NAV3: variants seen among roughly 807,000 people sequenced by gnomAD.
The protein encoded by NAV3 is pore membrane and/or filament interacting like protein 1.
Under a neutral mutation model 244.7 loss-of-function variants are expected in NAV3, and 87 were observed. That is an observed-to-expected ratio of 0.36 (90% CI 0.30 to 0.42). The LOEUF is 0.42. Among genes scored for constraint, NAV3 ranks in the 20% least tolerant of loss-of-function variants. The pLI is 1.00. For missense variants in NAV3, 2,663 were observed against 2,893.3 expected (o/e 0.92, Z 1.83); for synonymous variants, 1,126 against 1,042.2 (o/e 1.08, Z -1.55).
At position 78,134,114 on chromosome 12, in the gene NAV3, A is replaced by G. The variant is rs549470042; in HGVS notation, c.4442-3063A>G. On this transcript the variant is annotated intron_variant, in intron 18 of 39. Transcript: ENST00000397909. Reference sequence around the variant, plus strand: ...CTCTAAATTCGATGGATCCTTTTGCATATGGTGATTGTTAAACACCTTTGC... The same window carrying G: ...CTCTAAATTCGATGGATCCTTTTGCGTATGGTGATTGTTAAACACCTTTGC... Among the ~76,000 whole-genome samples, 29 of 152,340 alleles carry G rather than the reference A, an allele frequency of 1.9e-4. No homozygotes were observed. The South Asian group carries it at 5.6e-3, about 29-fold the overall frequency.
At chr12:77,797,524 GTTTTTTTTTTTT>G (rs33912743) in intron 2 of NAV3, among the ~76,000 whole-genome samples, 7 of 100,588 alleles carry the variant, frequency 7.0e-5, no homozygotes, top group Non-Finnish European at 1.4e-4. Flanking sequence ...TCTTTAAAAA[GTTTTTTTTTTTT>G]TTTTTTTTTT....
chr12:78,061,825 A>T (rs981401901), intron 12 of NAV3, among the ~76,000 whole-genome samples: 25 of 152,052 alleles, frequency 1.6e-4, no homozygotes, highest in Non-Finnish European at 2.5e-4. Context: ...TAAAAAAAAA[A>T]TTACTGTAAT....
At chr12:77,779,693 C>G (rs1870568087) in intron 2 of NAV3, among the ~76,000 whole-genome samples, 1 of 152,180 alleles carries the variant, frequency 6.6e-6, no homozygotes, top group Admixed American at 6.5e-5. Flanking sequence ...CTTGGGCCAG[C>G]TTGGTTGTAA....
chr12:77,613,440 T>C (rs1282444500), intron 2 of NAV3, among the ~76,000 whole-genome samples: 1 of 152,126 alleles, frequency 6.6e-6, no homozygotes, highest in African/African-American at 2.4e-5. Context: ...AGGGCCAGTG[T>C]CAGTGAAGGG....
At chr12:77,944,699 A>C (rs1306354405) in intron 3 of NAV3, among the ~76,000 whole-genome samples, 1 of 152,140 alleles carries the variant, frequency 6.6e-6, no homozygotes, top group Non-Finnish European at 1.5e-5. Flanking sequence ...AAGTCACAGG[A>C]GAAGAAACCT....
rs185764594 is a variant in NAV3 at position 77,911,505 on chromosome 12, A to C, written c.244-28814A>C. Reference sequence around the variant, plus strand: ...ATTTTGGTTTATTGTCAATGCAAGAATCAGAATTGCATCCTATGTTGGACT... The same window carrying C: ...ATTTTGGTTTATTGTCAATGCAAGACTCAGAATTGCATCCTATGTTGGACT... On this transcript the variant is annotated intron_variant, in intron 1 of 39. Transcript: ENST00000397909. Among the ~76,000 whole-genome samples the C allele has an allele frequency of 2.3e-4, 35 of 152,274 alleles. No individual in the cohort carries two copies. In the East Asian group the frequency reaches 2.3e-3, roughly 10 times the overall value.
intron 2 of NAV3, among the ~76,000 whole-genome samples, chr12:77,615,079 A>G (rs1486805362): frequency 1.3e-5 from 2 of 152,164 alleles, no homozygotes; most frequent in Admixed American, 1.3e-4. Context: ...ATAATGTGAG[A>G]TATAGGAGCA....
intron 1 of NAV3, among the ~76,000 whole-genome samples, chr12:77,846,461 T>G (rs749426296): frequency 2.9e-4 from 44 of 152,230 alleles, no homozygotes; most frequent in Non-Finnish European, 5.0e-4. Flanking sequence ...CTGTACTGGT[T>G]ATCTTCAGAC....
chr12:77,683,095 T>C (rs1247465923), intron 2 of NAV3, among the ~76,000 whole-genome samples: 1 of 152,148 alleles, frequency 6.6e-6, no homozygotes, highest in African/African-American at 2.4e-5. Context: ...TCAAGACCAA[T>C]GTCATAGAGC....
At chr12:78,195,419 A>C (rs1331312789) in intron 34 of NAV3, among the ~76,000 whole-genome samples, 1 of 151,540 alleles carries the variant, frequency 6.6e-6, no homozygotes, top group African/African-American at 2.4e-5. Flanking sequence ...TTTTCTGTGA[A>C]CCTTAAGTCT....
At chr12:78,201,069 C>CTTTT (rs1959634747) in intron 38 of NAV3, among the ~76,000 whole-genome samples, 1 of 61,436 alleles carries the variant, frequency 1.6e-5, no homozygotes, top group African/African-American at 6.5e-5. Context: ...GTTTCTTCTC[C>CTTTT]TTCTTTTTTT....
chr12:78,173,763 G>A (rs1054203194), intron 24 of NAV3, among the ~76,000 whole-genome samples: 1 of 150,868 alleles, frequency 6.6e-6, no homozygotes, highest in Non-Finnish European at 1.5e-5. Context: ...AAAGCTGTAT[G>A]TGTTTCTTCC....
At chr12:78,114,756 G>A (rs1593640967) in intron 12 of NAV3, among the ~76,000 whole-genome samples, 1 of 152,078 alleles carries the variant, frequency 6.6e-6, no homozygotes, top group Admixed American at 6.6e-5. Flanking sequence ...TAAGATGTAG[G>A]GAAGGTTTTT....
chr12:77,679,934 C>A (rs1874376973), intron 2 of NAV3, among the ~76,000 whole-genome samples: 1 of 152,062 alleles, frequency 6.6e-6, no homozygotes, highest in South Asian at 2.1e-4. Flanking sequence ...TACCATCGAA[C>A]CAGAAGTAAT....
chr12:77,806,875 GAT>G (rs1872009757), intron 2 of NAV3, among the ~76,000 whole-genome samples: 1 of 152,144 alleles, frequency 6.6e-6, no homozygotes, highest in Non-Finnish European at 1.5e-5. Flanking sequence ...ATATATTTAG[GAT>G]AGTTAGCTCT....
intron 2 of NAV3, among the ~76,000 whole-genome samples, chr12:77,716,113 A>T (rs1049427744): frequency 2.0e-5 from 3 of 152,066 alleles, no homozygotes; most frequent in African/African-American, 7.2e-5. Flanking sequence ...TGAAATTTAA[A>T]CAGTCTCATT....
intron 3 of NAV3, among the ~76,000 whole-genome samples, chr12:77,959,131 T>C (rs1248573931): frequency 6.6e-6 from 1 of 152,154 alleles, no homozygotes; most frequent in African/African-American, 2.4e-5. Context: ...GTTAGTTTCT[T>C]TGAAGAACAT....
intron 2 of NAV3, among the ~76,000 whole-genome samples, chr12:77,620,411 C>A (rs1871323269): frequency 6.6e-6 from 1 of 152,048 alleles, no homozygotes. Flanking sequence ...GTAAAAACTC[C>A]TTACTTATGC....
intron 2 of NAV3, among the ~76,000 whole-genome samples, chr12:77,740,918 T>C (rs1053111106): frequency 6.6e-6 from 1 of 151,390 alleles, no homozygotes; most frequent in Non-Finnish European, 1.5e-5. Context: ...ATGGTGTAAG[T>C]TGCCGTGCAA....
Sources: allele counts gnomAD v4.1 joint callset (sites outside exome capture counted in the v4.1 genomes callset), GRCh38; gene constraint gnomAD v4.1.1; transcripts MANE v1.5; gene names NCBI Gene and HGNC (gene_info 2026-07-23, HGNC 2026-07-21).